The following ITPR2 variants were observed in gnomAD, a reference collection of about 807,000 sequenced individuals.
ITPR2 encodes the protein inositol 1,4,5-trisphosphate receptor type 2.
ITPR2 carries 207 observed loss-of-function variants against 317.1 expected under a neutral mutation model. That is an observed-to-expected ratio of 0.65 (90% CI 0.58 to 0.73). The LOEUF is 0.73. Among genes scored for constraint, ITPR2 ranks in the 30% least tolerant of loss-of-function variants. The pLI, the probability that ITPR2 is intolerant of heterozygous loss-of-function variation, is 0.00. For missense variants in ITPR2, 2,613 were observed against 3,284.0 expected, an observed-to-expected ratio of 0.80 and a Z score of 4.99; for synonymous variants, 1,156 against 1,149.1, an observed-to-expected ratio of 1.01 and a Z score of -0.12.
At chr12:26,377,928 T>A (rs1210843703) in intron 55 of ITPR2, among the ~76,000 whole-genome samples, 1 of 152,108 alleles carries the variant, frequency 6.6e-6, no homozygotes, top group Non-Finnish European at 1.5e-5. Context: ...ATCCTCCTCA[T>A]TTTTAGCTCG....
At chr12:26,722,341 T>C in intron 5 of ITPR2, 56 bp downstream of exon 5, 1 of 1,441,060 alleles carries the variant, frequency 6.9e-7, no homozygotes, top group Non-Finnish European at 9.5e-7. Flanking sequence ...TCTTACTTAT[T>C]AGGAATCATT....
chr12:26,550,123 C>T (rs76182954), intron 37 of ITPR2, 124 bp downstream of exon 37: 7,499 of 471,786 alleles, frequency 0.016, 234 homozygotes, highest in African/African-American at 0.086. Flanking sequence ...TATAATTCAT[C>T]TAAGTACATG....
intron 26 of ITPR2, among the ~76,000 whole-genome samples, chr12:26,618,913 A>G (rs1372181519): frequency 6.6e-6 from 1 of 152,244 alleles, no homozygotes; most frequent in African/African-American, 2.4e-5. Context: ...TATATTTCTT[A>G]TGTTTTAGAA....
chr12:26,431,005 C>G (rs956542451), intron 48 of ITPR2, among the ~76,000 whole-genome samples: 3 of 152,154 alleles, frequency 2.0e-5, no homozygotes, highest in African/African-American at 7.2e-5. Flanking sequence ...TTATTCATTT[C>G]TTGGTCCCTT....
chr12:26,475,512 C>G (rs370023361), intron 44 of ITPR2, 94 bp from the exon 45 acceptor site: 2 of 1,354,282 alleles, frequency 1.5e-6, no homozygotes, highest in African/African-American at 1.5e-5. Flanking sequence ...GCTTCATAAG[C>G]CTCAAAAGTA....
At chr12:26,820,601 AC>A (rs1419077710) in intron 1 of ITPR2, among the ~76,000 whole-genome samples, 2 of 152,224 alleles carry the variant, frequency 1.3e-5, no homozygotes, top group Non-Finnish European at 2.9e-5. Flanking sequence ...TTACCATATG[AC>A]CCAGAAATTC....
At position 26,724,702 on chromosome 12, in the gene ITPR2, T is replaced by C; in HGVS notation, c.320A>G (p.Asn107Ser). ...TACAATTTCTCCCAACAGTTTCTTA[T>C]TCTCCGATTCATTTTGTTTTTGTTC... ...ELEQKQNESE[N>S]KKLLGEIVKY... Residue 107 changes from asparagine (N) to serine (S), a missense_variant, in exon 4 of 57, where the codon AAT becomes AGT. By Grantham distance (46) the Asn-to-Ser change is conservative (BLOSUM62 1). Around this residue, in one of 9 missense-constraint regions of ITPR2, gnomAD observed 515 missense variants for 789.4 expected, o/e 0.65. Transcript: ENST00000381340. 1 of 1,606,866 alleles carries C rather than the reference T, an allele frequency of 6.2e-7. No homozygotes were observed. Among genetic ancestry groups the C allele is most frequent in the Non-Finnish European group, 8.5e-7 (1 of 1,174,842 alleles).
At chr12:26,706,895 A>G (rs1402714152) in intron 9 of ITPR2, among the ~76,000 whole-genome samples, 1 of 152,154 alleles carries the variant, frequency 6.6e-6, no homozygotes, top group Non-Finnish European at 1.5e-5. Flanking sequence ...AATATTGTCT[A>G]TGTATGATTT....
At chr12:26,750,165 C>T (rs565104967) in intron 2 of ITPR2, among the ~76,000 whole-genome samples, 1 of 152,292 alleles carries the variant, frequency 6.6e-6, no homozygotes, top group South Asian at 2.1e-4. Flanking sequence ...TGATGCTGAG[C>T]CTCAGATTGC....
chr12:26,781,386 A>G (rs2344963), intron 2 of ITPR2, among the ~76,000 whole-genome samples: 1 of 78,714 alleles, frequency 1.3e-5, no homozygotes, highest in African/African-American at 4.7e-5. Flanking sequence ...TGTACTAAGA[A>G]AATATTTTCA....
At chr12:26,388,448 G>T (rs1410886396) in intron 54 of ITPR2, among the ~76,000 whole-genome samples, 1 of 151,936 alleles carries the variant, frequency 6.6e-6, no homozygotes, top group African/African-American at 2.4e-5. Flanking sequence ...GTTCACTCAG[G>T]GATGTAGAAG....
At chr12:26,529,238 G>C (rs1279837887) in intron 37 of ITPR2, among the ~76,000 whole-genome samples, 1 of 152,150 alleles carries the variant, frequency 6.6e-6, no homozygotes, top group Non-Finnish European at 1.5e-5. Flanking sequence ...GAGAAACTCA[G>C]ACAACATCAA....
chr12:26,700,808 G>A (rs1026798777), intron 9 of ITPR2, among the ~76,000 whole-genome samples: 1 of 152,046 alleles, frequency 6.6e-6, no homozygotes, highest in African/African-American at 2.4e-5. Flanking sequence ...TAATAATGCT[G>A]GAATAAAAAG....
chr12:26,391,556 C>T (rs7294545), intron 54 of ITPR2, among the ~76,000 whole-genome samples: 79,318 of 98,248 alleles, frequency 0.81, 30,326 homozygotes, highest in African/African-American at 0.84. Flanking sequence ...TCTTCTTTTC[C>T]TTTTTTTTTT....
intron 45 of ITPR2, among the ~76,000 whole-genome samples, chr12:26,471,194 G>A (rs1942283683): frequency 6.6e-6 from 1 of 152,104 alleles, no homozygotes; most frequent in South Asian, 2.1e-4. Context: ...TCTTACTTCA[G>A]GTAGGCATTA....
chr12:26,411,188 C>CT, intron 52 of ITPR2, 132 bp downstream of exon 52: 2 of 628,118 alleles, frequency 3.2e-6, no homozygotes, highest in East Asian at 5.7e-5. Context: ...CATCTTGGTT[C>CT]TTTTACTCTC....
chr12:26,765,095 A>AT lies in ITPR2; in HGVS notation c.163+25061dup, dbSNP rs370700047. Among the ~76,000 whole-genome samples the AT allele has an allele frequency of 3.0e-3, 454 of 152,216 alleles. 2 individuals are homozygous for AT. Among genetic ancestry groups the AT allele is most frequent in the African/African-American group, 0.011 (445 of 41,568 alleles). ...AGCTCTAAGTGGCATAACCTACAAC[A>AT]TATTTTGTATAAGTAGAACTTGAAC... On this transcript the variant is annotated intron_variant, in intron 2 of 56. Coordinates refer to ENST00000381340, the MANE Select transcript of ITPR2 (RefSeq NM_002223.4).
At position 26,631,927 on chromosome 12, in the gene ITPR2, G is replaced by C; in HGVS notation, c.2873C>G (p.Pro958Arg). The C allele has an allele frequency of 1.2e-6, 2 of 1,613,896 alleles. No homozygotes were observed. Among genetic ancestry groups the C allele is most frequent in the Non-Finnish European group, 1.7e-6 (2 of 1,179,950 alleles). Reference sequence around the variant, plus strand: ...CACAGTCACATCCTCGTGCTCGGTGGGGCTCCCTTGCTTGCTCGGGTGGAT... The same window carrying C: ...CACAGTCACATCCTCGTGCTCGGTGCGGCTCCCTTGCTTGCTCGGGTGGAT... ...PSIHPSKQGS[P>R]TEHEDVTVMD... is the part of the protein sequence containing the mutation. The change falls in exon 22 of 57, where the codon CCC becomes CGC. Residue 958 changes from proline (P) to arginine (R), a missense_variant. Physicochemically the swap from Pro to Arg is moderately radical, Grantham distance 103. Transcript: ENST00000381340.
chr12:26,381,491 G>C (rs956316880), intron 55 of ITPR2, among the ~76,000 whole-genome samples: 1 of 152,164 alleles, frequency 6.6e-6, no homozygotes, highest in African/African-American at 2.4e-5. Flanking sequence ...AATGTTTAGT[G>C]AATTGCTGTT....
Sources: allele counts gnomAD v4.1 joint callset (sites outside exome capture counted in the v4.1 genomes callset), GRCh38; gene constraint gnomAD v4.1.1; regional missense constraint gnomAD v4.1.1; transcripts MANE v1.5; gene names NCBI Gene and HGNC (gene_info 2026-07-23, HGNC 2026-07-21).